ZZEF1: variants seen among roughly 807,000 people sequenced by gnomAD.
ZZEF1 encodes the protein zinc finger ZZ-type and EF-hand domain-containing protein 1.
A neutral mutation model predicts 342.8 loss-of-function variants in ZZEF1; 157 were observed. The observed-to-expected ratio is 0.46, with a 90% CI of 0.40 to 0.52. The LOEUF (loss-of-function observed/expected upper bound fraction) is 0.52, where lower values mean the gene tolerates loss of function less well. Among genes scored for constraint, ZZEF1 ranks in the 20% least tolerant of loss-of-function variants. ZZEF1 has a pLI of 0.00. For missense variants in ZZEF1, 3,480 were observed against 3,725.6 expected, an observed-to-expected ratio of 0.93 and a Z score of 1.72; for synonymous variants, 1,505 against 1,429.1, an observed-to-expected ratio of 1.05 and a Z score of -1.20.
chr17:4,123,413 T>C (rs1336056247), intron 2 of ZZEF1, among the ~76,000 whole-genome samples: 1 of 150,952 alleles, frequency 6.6e-6, no homozygotes, highest in Non-Finnish European at 1.5e-5. Flanking sequence ...GGGAATACTG[T>C]AATAGCTTTC....
At chr17:4,082,145 C>G (rs2057735532) in intron 17 of ZZEF1, among the ~76,000 whole-genome samples, 1 of 152,176 alleles carries the variant, frequency 6.6e-6, no homozygotes, top group Non-Finnish European at 1.5e-5. Context: ...ATACAAGACC[C>G]TACATTCCTT....
At chr17:4,126,832 T>A (rs745904565) in intron 1 of ZZEF1, among the ~76,000 whole-genome samples, 8 of 152,040 alleles carry the variant, frequency 5.3e-5, no homozygotes, top group African/African-American at 1.2e-4. Flanking sequence ...CTGGGCATCA[T>A]GGCACACACC....
At chr17:4,094,645 T>C (rs2058002211) in intron 11 of ZZEF1, among the ~76,000 whole-genome samples, 1 of 152,176 alleles carries the variant, frequency 6.6e-6, no homozygotes, top group Non-Finnish European at 1.5e-5. Context: ...CAAACCTGTT[T>C]TTCCCCAGAG....
At chr17:4,083,372 A>C (rs2057759677) in intron 16 of ZZEF1, among the ~76,000 whole-genome samples, 1 of 152,236 alleles carries the variant, frequency 6.6e-6, no homozygotes, top group Non-Finnish European at 1.5e-5. Context: ...CCCACAGTCC[A>C]GTGGCTCAGG....
rs1380284505 is a variant in ZZEF1 at position 4,017,870 on chromosome 17, G to C, written c.7607C>G (p.Ala2536Gly). The change falls in exon 47 of 55, where the codon GCT becomes GGT. Residue 2536 changes from alanine (A) to glycine (G), a missense_variant. Coordinates refer to ENST00000381638, the MANE Select transcript of ZZEF1 (RefSeq NM_015113.4). This position sits in a 1 kb window ranked among gnomAD's most constrained non-coding sequence, Gnocchi z 5.1. ...CAGGATAATCATGTCTGTATCCACA[G>C]CTTTGGCGCTCTGTTCTTCCAGCCT... ...SLRLEEQSAK[A>G]VDTDMIILPC... The C allele has an allele frequency of 1.2e-6, 2 of 1,614,054 alleles. No homozygotes were observed. The highest frequency in any genetic ancestry group is 2.7e-5 in the African/African-American group (2 of 74,916).
intron 39 of ZZEF1, among the ~76,000 whole-genome samples, chr17:4,038,081 G>A (rs941646841): frequency 2.0e-5 from 3 of 152,206 alleles, no homozygotes; most frequent in African/African-American, 7.2e-5. Context: ...AATATGGCAT[G>A]AACTTGGCAA....
Position 4,006,802 on chromosome 17 carries a change from G to C in ZZEF1, c.*88C>G. 1 of 1,395,018 alleles carries C rather than the reference G, an allele frequency of 7.2e-7. No individual in the cohort carries two copies. The highest frequency in any genetic ancestry group is 9.9e-7 in the Non-Finnish European group (1 of 1,005,480). 86.4% of individuals were successfully genotyped at this position (1,395,018 alleles called of 1,614,324 possible). A position where few individuals can be genotyped will look rare whatever the true frequency, so the allele number is the denominator to read the frequency against. On this transcript the variant is annotated 3_prime_UTR_variant, in exon 55 of 55. Coordinates refer to ENST00000381638, the MANE Select transcript of ZZEF1 (RefSeq NM_015113.4). The stretch of plus-strand genomic sequence containing the variant: ...AGCTCAAGGAGAGCTGGGCACTGGC[G>C]CTACAGGAGTTTTCCTGAATGAGGT...
At chr17:4,127,418 T>A (rs982554241) in intron 1 of ZZEF1, among the ~76,000 whole-genome samples, 6 of 152,112 alleles carry the variant, frequency 3.9e-5, no homozygotes, top group African/African-American at 7.2e-5. Flanking sequence ...AATGAAATAT[T>A]TATGGATGAA....
chr17:4,080,579 T>C (rs2057704840), intron 18 of ZZEF1, among the ~76,000 whole-genome samples: 1 of 152,200 alleles, frequency 6.6e-6, no homozygotes, highest in Admixed American at 6.5e-5. Flanking sequence ...TTTGTATTTT[T>C]GTATTTCTCC....
chr17:4,110,578 C>T (rs1338119384), intron 5 of ZZEF1, among the ~76,000 whole-genome samples: 3 of 151,760 alleles, frequency 2.0e-5, no homozygotes, highest in African/African-American at 4.8e-5. Context: ...GCTCCCTGAA[C>T]GAAATAAGCC....
chr17:4,104,829 A>T lies in ZZEF1; in HGVS notation c.1395-18T>A. On this transcript the variant is annotated intron_variant, in intron 7 of 54. Coordinates refer to ENST00000381638, the MANE Select transcript of ZZEF1 (RefSeq NM_015113.4). ...AACAGCAGCTATAAGCAAAGAGCAA[A>T]AACTTTTCACTTCTTAAAAACATGA... 28 of 1,605,622 alleles carry T rather than the reference A, an allele frequency of 1.7e-5. No homozygotes were observed. The highest frequency in any genetic ancestry group is 2.3e-5 in the Non-Finnish European group (27 of 1,177,120).
At chr17:4,036,815 ACACTCT>A (rs1486770931) in intron 39 of ZZEF1, among the ~76,000 whole-genome samples, 361 of 78,690 alleles carry the variant, frequency 4.6e-3, no homozygotes, top group South Asian at 6.4e-3. Flanking sequence ...ACACACACAC[ACACTCT>A]CTCTCTCTCT....
At chr17:4,048,807 G>A (rs1240357370) in intron 37 of ZZEF1, among the ~76,000 whole-genome samples, 4 of 151,894 alleles carry the variant, frequency 2.6e-5, no homozygotes, top group Non-Finnish European at 5.9e-5. Flanking sequence ...TCCGCCTCCC[G>A]GGTTCAAGCG....
chr17:4,072,521 T>C (rs1222279553), intron 25 of ZZEF1, 87 bp downstream of exon 25: 6 of 1,439,432 alleles, frequency 4.2e-6, no homozygotes, highest in Admixed American at 5.3e-5. Flanking sequence ...GGTAGTAAGA[T>C]AGAAACACAA....
At chr17:4,101,151 A>C (rs1225309882) in intron 9 of ZZEF1, among the ~76,000 whole-genome samples, 1 of 152,214 alleles carries the variant, frequency 6.6e-6, no homozygotes, top group East Asian at 1.9e-4. Flanking sequence ...TGCTTTAAGC[A>C]TCTACTGCTG....
chr17:4,028,705 A>C (rs2056471993), intron 42 of ZZEF1, among the ~76,000 whole-genome samples: 1 of 152,230 alleles, frequency 6.6e-6, no homozygotes, highest in African/African-American at 2.4e-5. Context: ...AGGTAGGTTA[A>C]AGTGAAAAGA....
chr17:4,107,169 T>C (rs1330272291), intron 6 of ZZEF1, among the ~76,000 whole-genome samples: 3 of 152,268 alleles, frequency 2.0e-5, no homozygotes, highest in Non-Finnish European at 4.4e-5. Flanking sequence ...TCAATAAATC[T>C]TTAATTTTAA....
At chr17:4,031,426 T>C (rs1355028393) in intron 42 of ZZEF1, among the ~76,000 whole-genome samples, 4 of 152,176 alleles carry the variant, frequency 2.6e-5, no homozygotes, top group Admixed American at 6.5e-5. Context: ...AATCCATAAA[T>C]AGACAGATAC....
At position 4,107,343 on chromosome 17, in the gene ZZEF1, A is replaced by T. The variant is rs139338104; in HGVS notation, c.1278-1534T>A. Among the ~76,000 whole-genome samples the T allele has an allele frequency of 3.9e-3, 587 of 152,282 alleles. 6 individuals are homozygous for T. Among genetic ancestry groups the T allele is most frequent in the African/African-American group, 0.013 (556 of 41,550 alleles). ...ATAGAAACCTCTTCCTTTTCCTGAAAATCCAGTCCACAAGATGGGACTGTG... is the reference window on the plus strand; with the variant it reads ...ATAGAAACCTCTTCCTTTTCCTGAATATCCAGTCCACAAGATGGGACTGTG... On this transcript the variant is annotated intron_variant, in intron 6 of 54. Coordinates refer to ENST00000381638, the MANE Select transcript of ZZEF1 (RefSeq NM_015113.4).
Sources: allele counts gnomAD v4.1 joint callset (sites outside exome capture counted in the v4.1 genomes callset), GRCh38; gene constraint gnomAD v4.1.1; non-coding constraint Gnocchi (gnomAD v3.1); transcripts MANE v1.5; gene names NCBI Gene and HGNC (gene_info 2026-07-23, HGNC 2026-07-21).